Variants in PALS2 observed in about 807,000 individuals in gnomAD.
PALS2 encodes protein PALS2.
In PALS2, 27 loss-of-function variants were observed where a neutral mutation model predicts 61.6. That is an observed-to-expected ratio of 0.44 (90% CI 0.32 to 0.60). The LOEUF (loss-of-function observed/expected upper bound fraction) is 0.60. PALS2 is among the 20% of genes least tolerant of loss of function. The pLI, the probability that PALS2 is intolerant of heterozygous loss-of-function variation, is 0.05. For missense variants in PALS2, 554 were observed against 639.4 expected (o/e 0.87, Z 1.44); for synonymous variants, 236 against 218.6 (o/e 1.08, Z -0.70).
chr7:24,667,070 G>C (rs1328346854), intron 8 of PALS2: 1 of 152,152 alleles, frequency 6.6e-6, no homozygotes, highest in Non-Finnish European at 1.5e-5. Context: ...TTAATCTACT[G>C]TGGGGAAATT....
intron 1 of PALS2, among the ~76,000 whole-genome samples, chr7:24,598,617 A>T (rs1360814880): frequency 6.6e-6 from 1 of 152,230 alleles, no homozygotes; most frequent in Admixed American, 6.5e-5. Context: ...TATAGATTGG[A>T]TAATCTGCTG....
intron 1 of PALS2, among the ~76,000 whole-genome samples, chr7:24,595,661 A>G (rs1292711630): frequency 6.7e-6 from 1 of 148,552 alleles, no homozygotes; most frequent in Non-Finnish European, 1.5e-5. Context: ...ACAATGAGTG[A>G]ATTTTTAGTG....
chr7:24,680,319 A>G (rs899508384), intron 10 of PALS2, 73 bp from the exon 11 acceptor site: 1 of 1,450,030 alleles, frequency 6.9e-7, no homozygotes. Context: ...ACAGCCTTTG[A>G]TATATACTAA....
At chr7:24,679,099 T>G (rs761232338) in intron 9 of PALS2, 32 bp from the exon 10 acceptor site, 15 of 1,597,380 alleles carry the variant, frequency 9.4e-6, no homozygotes, top group Non-Finnish European at 1.3e-5. Context: ...TAAAATTTCT[T>G]TGTACAAAAA....
In PALS2 at chr7:24,689,787, T is replaced by C. The variant is rs1401717430; in HGVS notation, c.*2173T>C. Reference sequence around the variant, plus strand: ...AGCACAGTATCAAGGTGATGCCCTATGACAATGTTTCAACACACACTTGAA... The same window carrying C: ...AGCACAGTATCAAGGTGATGCCCTACGACAATGTTTCAACACACACTTGAA... On this transcript the variant is annotated 3_prime_UTR_variant, in exon 12 of 12. Transcript: ENST00000222644. 1 of 150,662 alleles carries C rather than the reference T, an allele frequency of 6.6e-6. No individual in the cohort carries two copies. The highest frequency in any genetic ancestry group is 1.5e-5 in the Non-Finnish European group (1 of 67,674). 9.3% of individuals were successfully genotyped at this position (150,662 alleles called of 1,614,324 possible).
At chr7:24,586,893 A>G (rs1229654422) in intron 1 of PALS2, among the ~76,000 whole-genome samples, 2 of 152,176 alleles carry the variant, frequency 1.3e-5, no homozygotes, top group East Asian at 1.9e-4. Context: ...ACCAAATGAC[A>G]TAGGGCGTCT....
At chr7:24,642,528 C>T (rs1284028770) in intron 3 of PALS2, among the ~76,000 whole-genome samples, 2 of 151,986 alleles carry the variant, frequency 1.3e-5, no homozygotes, top group South Asian at 2.1e-4. Flanking sequence ...TACATCCAGC[C>T]GTATATGGTA....
intron 9 of PALS2, among the ~76,000 whole-genome samples, chr7:24,672,349 T>A (rs1287171835): frequency 6.6e-6 from 1 of 151,844 alleles, no homozygotes; most frequent in East Asian, 2.0e-4. Flanking sequence ...TGCCTCAGCC[T>A]CCCCAGTAGC....
chr7:24,678,400 G>C lies in PALS2; in HGVS notation c.1115-731G>C, dbSNP rs114749015. Among the ~76,000 whole-genome samples the C allele has an allele frequency of 4.3e-3, 649 of 152,210 alleles. 5 individuals are homozygous for C. The highest frequency in any genetic ancestry group is 0.015 in the African/African-American group (607 of 41,526). ...GGTTAATAGACCATAATAATAATGA[G>C]GCGTCTAGCTCTACCACTGAAGTAT... On this transcript the variant is annotated intron_variant, in intron 9 of 11. Coordinates refer to ENST00000222644, the MANE Select transcript of PALS2 (RefSeq NM_001303037.2).
chr7:24,620,774 A>G (rs1784469533), intron 1 of PALS2, among the ~76,000 whole-genome samples: 1 of 152,174 alleles, frequency 6.6e-6, no homozygotes, highest in South Asian at 2.1e-4. Context: ...AGGAGTGCTG[A>G]TCTTTGAGAC....
In PALS2 at chr7:24,641,716, G is replaced by T. The variant is rs1252479536; in HGVS notation, c.118G>T (p.Ala40Ser). Residue 40 changes from alanine to serine, a missense_variant and splice_region_variant, in exon 3 of 12, where the codon GCT becomes TCT. By Grantham distance (99) the Ala-to-Ser change is moderately conservative. Coordinates refer to ENST00000222644, the MANE Select transcript of PALS2 (RefSeq NM_001303037.2). ...CTTTAATATACTCTTATTTTTTCAG[G>T]CTCATGAGAGGCTAGAAGATTCCAA... ...ENPIVKSLAK[A>S]HERLEDSKLE... 1 of 1,595,614 alleles carries T rather than the reference G, an allele frequency of 6.3e-7. No homozygotes were observed. Among genetic ancestry groups the T allele is most frequent in the Non-Finnish European group, 8.5e-7 (1 of 1,172,506 alleles).
At chr7:24,667,271 T>C (rs1212748718) in intron 8 of PALS2, among the ~76,000 whole-genome samples, 1 of 152,214 alleles carries the variant, frequency 6.6e-6, no homozygotes, top group Non-Finnish European at 1.5e-5. Context: ...CGACTAAGAT[T>C]ATAATTTTGG....
chr7:24,640,940 G>A (rs957729989), intron 2 of PALS2, among the ~76,000 whole-genome samples: 9 of 148,564 alleles, frequency 6.1e-5, no homozygotes, highest in Admixed American at 1.4e-4. Flanking sequence ...CCCGGGAGGC[G>A]GAGCTTGCAG....
At chr7:24,604,747 C>A (rs1783835882) in intron 1 of PALS2, among the ~76,000 whole-genome samples, 2 of 152,220 alleles carry the variant, frequency 1.3e-5, no homozygotes, top group Non-Finnish European at 2.9e-5. Flanking sequence ...GGGGGCTCCA[C>A]CCTCATGACC....
intron 1 of PALS2, among the ~76,000 whole-genome samples, chr7:24,592,237 G>A (rs1426708462): frequency 1.3e-5 from 2 of 152,130 alleles, no homozygotes; most frequent in Admixed American, 6.6e-5. Context: ...CAACTGTACT[G>A]TATAATGTGG....
chr7:24,657,518 G>A (rs777006345), intron 5 of PALS2, among the ~76,000 whole-genome samples: 24 of 152,070 alleles, frequency 1.6e-4, no homozygotes, highest in Non-Finnish European at 2.9e-4. Context: ...GCACTTTGGC[G>A]AAGTGTCTTC....
chr7:24,578,521 A>C (rs561544582), intron 1 of PALS2, among the ~76,000 whole-genome samples: 1 of 152,354 alleles, frequency 6.6e-6, no homozygotes, highest in African/African-American at 2.4e-5. Context: ...CTGGGACTCC[A>C]GTGCCTGCAG....
chr7:24,635,781 T>A (rs1785205064), intron 2 of PALS2, among the ~76,000 whole-genome samples: 1 of 152,240 alleles, frequency 6.6e-6, no homozygotes. Context: ...TTTTATTTTA[T>A]GGATATGTCA....
intron 1 of PALS2, among the ~76,000 whole-genome samples, chr7:24,607,485 C>G (rs1434398643): frequency 6.6e-6 from 1 of 151,276 alleles, no homozygotes; most frequent in African/African-American, 2.4e-5. Context: ...TCTCTCTGAA[C>G]ACACACATGA....
Sources: allele counts gnomAD v4.1 joint callset (sites outside exome capture counted in the v4.1 genomes callset), GRCh38; gene constraint gnomAD v4.1.1; transcripts MANE v1.5; gene names NCBI Gene and HGNC (gene_info 2026-07-23, HGNC 2026-07-21).